The following DLGAP4 variants were observed in gnomAD, a reference collection of about 807,000 sequenced individuals.
The protein encoded by DLGAP4 is disks large-associated protein 4.
Under a neutral mutation model 86.9 loss-of-function variants are expected in DLGAP4, and 18 were observed. The ratio of observed to expected loss-of-function variants is 0.21; its 90% CI spans 0.14 to 0.31. The LOEUF is 0.31. Ranked by LOEUF, DLGAP4 falls within the 10% of genes least tolerant of loss-of-function variation. The probability of loss-of-function intolerance (pLI) is 1.00; values close to 1 mark genes in which losing one functional copy is unlikely to be tolerated. For missense variants in DLGAP4, 1,085 were observed against 1,362.6 expected (o/e 0.80, Z 3.21); for synonymous variants, 548 against 574.3 (o/e 0.95, Z 0.65).
At chr20:36,447,779 G>A (rs144141547) in intron 7 of DLGAP4, among the ~76,000 whole-genome samples, 2,142 of 151,430 alleles carry the variant, frequency 0.014, 23 homozygotes, top group Non-Finnish European at 0.023. Context: ...GAAAAAAGGG[G>A]ACCCTGTATA....
At chr20:36,515,904 A>C (rs1195131257) in intron 10 of DLGAP4, among the ~76,000 whole-genome samples, 1 of 152,256 alleles carries the variant, frequency 6.6e-6, no homozygotes, top group African/African-American at 2.4e-5. Flanking sequence ...TTTCATTCTC[A>C]AGAATGTCTC....
At chr20:36,523,861 T>C (rs773824799) in intron 10 of DLGAP4, among the ~76,000 whole-genome samples, 2 of 152,130 alleles carry the variant, frequency 1.3e-5, no homozygotes, top group Non-Finnish European at 2.9e-5. Context: ...CGGGATTTCA[T>C]CATGCTGCCC....
At chr20:36,337,637 C>T (rs1210295880) in intron 1 of DLGAP4, among the ~76,000 whole-genome samples, 2 of 152,162 alleles carry the variant, frequency 1.3e-5, no homozygotes, top group Non-Finnish European at 2.9e-5. Flanking sequence ...GTTAAATTTG[C>T]AGCGGATGCA....
chr20:36,510,356 C>CGAA (rs2036622579), intron 10 of DLGAP4, among the ~76,000 whole-genome samples: 1 of 151,898 alleles, frequency 6.6e-6, no homozygotes, highest in African/African-American at 2.4e-5. Context: ...CTCTGCTTCC[C>CGAA]GGGTTCAAGC....
chr20:36,486,452 C>T (rs2035416280), intron 7 of DLGAP4, among the ~76,000 whole-genome samples: 1 of 150,820 alleles, frequency 6.6e-6, no homozygotes. Flanking sequence ...TAGTTTCAGA[C>T]AGGGCATGGC....
At chr20:36,309,244 G>A (rs2065032159) in intron 1 of DLGAP4, among the ~76,000 whole-genome samples, 1 of 152,200 alleles carries the variant, frequency 6.6e-6, no homozygotes, top group East Asian at 1.9e-4. Context: ...AGCCCCGTGG[G>A]CCTCTGCTTC....
intron 2 of DLGAP4, among the ~76,000 whole-genome samples, chr20:36,372,254 C>T (rs1227068308): frequency 6.6e-6 from 1 of 152,204 alleles, no homozygotes; most frequent in African/African-American, 2.4e-5. Context: ...GTGGCACCTA[C>T]CGTGTGTCGG....
chr20:36,458,263 C>T, intron 7 of DLGAP4, among the ~76,000 whole-genome samples: 1 of 150,994 alleles, frequency 6.6e-6, no homozygotes, highest in East Asian at 2.0e-4. Flanking sequence ...GTAATCCCAG[C>T]ACTTTGGTAG....
chr20:36,525,600 A>G (rs1708422658), intron 11 of DLGAP4: 1 of 563,600 alleles, frequency 1.8e-6, no homozygotes, highest in Non-Finnish European at 3.2e-6. Context: ...GCTAGCATAC[A>G]CATACATTAG....
chr20:36,467,014 T>TC (rs1458600700), intron 7 of DLGAP4, among the ~76,000 whole-genome samples: 6 of 115,730 alleles, frequency 5.2e-5, no homozygotes, highest in African/African-American at 1.6e-4. Flanking sequence ...TCTCTCTCTC[T>TC]CTCCTCTCTC....
intron 1 of DLGAP4, among the ~76,000 whole-genome samples, chr20:36,320,079 C>T (rs990906752): frequency 1.6e-4 from 24 of 148,662 alleles, no homozygotes; most frequent in Admixed American, 2.7e-4. Flanking sequence ...CCTCTGTGTC[C>T]GCCTCCTCCA....
At chr20:36,320,102 T>A (rs1555890381) in intron 1 of DLGAP4, among the ~76,000 whole-genome samples, 2 of 140,172 alleles carry the variant, frequency 1.4e-5, no homozygotes, top group African/African-American at 2.7e-5. Flanking sequence ...CCTCCCTCTG[T>A]GTCGCATTCC....
intron 10 of DLGAP4, among the ~76,000 whole-genome samples, chr20:36,502,262 C>A (rs1468842660): frequency 6.6e-6 from 1 of 152,094 alleles, no homozygotes; most frequent in Non-Finnish European, 1.5e-5. Flanking sequence ...ATTATTATTG[C>A]GTTTTCTTCT....
chr20:36,368,697 T>G (rs997813770), intron 2 of DLGAP4, among the ~76,000 whole-genome samples: 7 of 152,198 alleles, frequency 4.6e-5, no homozygotes, highest in Admixed American at 4.6e-4. Flanking sequence ...CAAACACACC[T>G]TATTGTGCTC....
At chr20:36,388,749 A>G (rs546945240) in intron 2 of DLGAP4, among the ~76,000 whole-genome samples, 1 of 152,316 alleles carries the variant, frequency 6.6e-6, no homozygotes, top group East Asian at 1.9e-4. Flanking sequence ...TCGGAGCATA[A>G]GGCCTGAGCC....
chr20:36,394,052 C>A (rs903628518), intron 2 of DLGAP4, among the ~76,000 whole-genome samples: 1 of 152,204 alleles, frequency 6.6e-6, no homozygotes, highest in Non-Finnish European at 1.5e-5. Flanking sequence ...AGCCTCAAGG[C>A]CTTTGCACAT....
rs559916034 is a variant in DLGAP4 at position 36,438,622 on chromosome 20, G to A, written c.1242-1132G>A. On this transcript the variant is annotated intron_variant, in intron 4 of 12. Transcript: ENST00000339266. ...GCCCAGAGTGGTGGTGAACTCCTCC[G>A]CTCAAGTGACCCTTCTGCTTTGGCC... 7.3e-5 allele frequency among the ~76,000 whole-genome samples: 11 copies of A among 150,282 alleles called. No homozygotes were observed. The East Asian group carries it at 9.8e-4, about 13-fold the overall frequency.
chr20:36,507,939 C>T (rs1401351712), intron 10 of DLGAP4: 1 of 152,236 alleles, frequency 6.6e-6, no homozygotes, highest in Non-Finnish European at 1.5e-5. Flanking sequence ...GCCACAGCCC[C>T]TGTGTATGTC....
chr20:36,499,621 C>G lies in DLGAP4; in HGVS notation c.2044C>G (p.Pro682Ala). Residue 682 changes from proline (P) to alanine (A), a missense_variant, in exon 9 of 13, where the codon CCC becomes GCC. This residue lies in a region of DLGAP4 where 1,082 missense variants were observed against 1,344.1 expected (regional missense o/e 0.81). Transcript: ENST00000339266. ...CATTCAGCCAGTGCCAAAAGAGGAG[C>G]CCAGTCCCGCTACCAAATTCCAGTC... ...DCIQPVPKEE[P>A]SPATKFQSIG... 1 of 1,614,020 alleles carries G rather than the reference C, an allele frequency of 6.2e-7. No homozygotes were observed. Among genetic ancestry groups the G allele is most frequent in the Non-Finnish European group, 8.5e-7 (1 of 1,179,996 alleles).
Sources: allele counts gnomAD v4.1 joint callset (sites outside exome capture counted in the v4.1 genomes callset), GRCh38; gene constraint gnomAD v4.1.1; regional missense constraint gnomAD v4.1.1; transcripts MANE v1.5; gene names NCBI Gene and HGNC (gene_info 2026-07-23, HGNC 2026-07-21).